Variants in GATAD1 observed in about 807,000 individuals in gnomAD.
GATAD1 encodes GATA zinc finger domain-containing protein 1.
Under a neutral mutation model 26.5 loss-of-function variants are expected in GATAD1, and 12 were observed. That is an observed-to-expected ratio of 0.45 (90% CI 0.29 to 0.73). The LOEUF is 0.73. Ranked by LOEUF, GATAD1 falls within the 30% of genes least tolerant of loss-of-function variation. The pLI, the probability that GATAD1 is intolerant of heterozygous loss-of-function variation, is 0.10. For missense variants in GATAD1, 266 were observed against 342.1 expected, an observed-to-expected ratio of 0.78 and a Z score of 1.75; for synonymous variants, 129 against 133.1, an observed-to-expected ratio of 0.97 and a Z score of 0.21.
rs1296178599 is a variant in GATAD1, at chr7:92,458,289, G to T, written c.*1727G>T. On this transcript the variant is annotated 3_prime_UTR_variant, in exon 5 of 5. Transcript: ENST00000287957. ...TAAGATTTTATACTGCAGATAGTCA[G>T]CTTCACCAAAGCCGCAGAGGAAACA... 1 of 152,200 alleles carries T rather than the reference G, an allele frequency of 6.6e-6. No individual in the cohort carries two copies. The highest frequency in any genetic ancestry group is 1.5e-5 in the Non-Finnish European group (1 of 68,038). 9.4% of individuals were successfully genotyped at this position (152,200 alleles called of 1,614,324 possible). A position where few individuals can be genotyped will look rare whatever the true frequency, so the allele number is the denominator to read the frequency against.
At chr7:92,467,705 T>G in the GATAD1 span, among the ~76,000 whole-genome samples, 9 of 152,346 alleles carry the variant, frequency 5.9e-5, no homozygotes, top group Non-Finnish European at 1.3e-4. Context: ...CTGTGGGGTT[T>G]TGGGGAAGCT....
chr7:92,450,842 CT>C, intron 3 of GATAD1, 82 bp downstream of exon 3: 1 of 800,486 alleles, frequency 1.2e-6, no homozygotes. Context: ...GTCTAAAGGT[CT>C]CTGCTACTCT....
chr7:92,491,503 C>T, the GATAD1 span: 9 of 1,568,858 alleles, frequency 5.7e-6, no homozygotes, highest in African/African-American at 1.4e-5. Context: ...AACTTCCATC[C>T]TAAAATACAC....
chr7:92,462,575 C>A (rs1789960600), downstream of GATAD1, among the ~76,000 whole-genome samples: 1 of 152,114 alleles, frequency 6.6e-6, no homozygotes, highest in South Asian at 2.1e-4. Context: ...TATTTAGGTC[C>A]AAAGATGGTA....
At chr7:92,486,172 G>T in the GATAD1 span, among the ~76,000 whole-genome samples, 1 of 152,184 alleles carries the variant, frequency 6.6e-6, no homozygotes, top group Admixed American at 6.5e-5. Flanking sequence ...CTTGTCAGCA[G>T]CAGTGACCAA....
intron 2 of GATAD1, 47 bp from the exon 3 acceptor site, chr7:92,450,654 G>A: frequency 7.8e-7 from 1 of 1,288,528 alleles, no homozygotes; most frequent in Non-Finnish European, 1.1e-6. Context: ...AATGCCTGTA[G>A]ACACATACAT....
At chr7:92,455,326 A>G (rs981054019) in intron 4 of GATAD1, among the ~76,000 whole-genome samples, 5 of 152,196 alleles carry the variant, frequency 3.3e-5, no homozygotes, top group African/African-American at 1.2e-4. Flanking sequence ...ACAAGAATGT[A>G]TTGCTCAGGA....
chr7:92,456,492 G>A lies in GATAD1; in HGVS notation c.740G>A (p.Gly247Asp). 1 of 1,612,814 alleles carries A rather than the reference G, an allele frequency of 6.2e-7. No individual in the cohort carries two copies. ...FPTVPTRPEK[G>D]YIWTHVGPTP... The stretch of plus-strand genomic sequence containing the variant: ...ACAGTTCCCACCAGACCAGAGAAGG[G>A]CTACATATGGACTCATGTTGGGCCT... Residue 247 changes from glycine (G) to aspartate (D), a missense_variant, in exon 5 of 5, where the codon GGC becomes GAC. Gly to Asp is a moderately conservative substitution (Grantham distance 94, BLOSUM62 -1). Transcript: ENST00000287957.
the GATAD1 span, chr7:92,487,676 C>A: frequency 1.5e-5 from 7 of 466,240 alleles, no homozygotes; most frequent in Admixed American, 3.9e-5. Context: ...AAATTCCAGT[C>A]ACAGAAATTA....
chr7:92,453,225 C>G (rs1388863374), intron 3 of GATAD1, among the ~76,000 whole-genome samples: 1 of 152,230 alleles, frequency 6.6e-6, no homozygotes, highest in African/African-American at 2.4e-5. Context: ...TACCTGCTGC[C>G]AAGTCCCTGT....
chr7:92,454,198 TAA>T, intron 3 of GATAD1: 2 of 284,974 alleles, frequency 7.0e-6, no homozygotes, highest in Non-Finnish European at 1.3e-5. Flanking sequence ...CTGTAAAAAA[TAA>T]AGTCTATTTT....
At chr7:92,491,679 AT>A in the GATAD1 span, 123,277 of 581,790 alleles carry the variant, frequency 0.21, 14,443 homozygotes, top group African/African-American at 0.39. Flanking sequence ...AACTATTAAA[AT>A]TATAAAGACA....
the GATAD1 span, chr7:92,470,044 C>T: frequency 5.1e-6 from 4 of 778,824 alleles, no homozygotes; most frequent in Non-Finnish European, 9.6e-6. Flanking sequence ...ATCAGACATA[C>T]CAGTTTGGGT....
At chr7:92,455,837 G>A (rs999976122) in intron 4 of GATAD1, among the ~76,000 whole-genome samples, 2 of 152,172 alleles carry the variant, frequency 1.3e-5, no homozygotes, top group African/African-American at 4.8e-5. Flanking sequence ...CAGAGGCAGT[G>A]ATGTATCAGA....
At chr7:92,487,562 T>C in the GATAD1 span, 1 of 1,177,872 alleles carries the variant, frequency 8.5e-7, no homozygotes, top group Non-Finnish European at 1.3e-6. Context: ...AAAGAGATAA[T>C]TTAATATGTA....
At chr7:92,470,654 C>CA in the GATAD1 span, 156 of 326,550 alleles carry the variant, frequency 4.8e-4, no homozygotes, top group East Asian at 7.7e-3. Context: ...AATACCATGT[C>CA]ACAAGGGTGG....
At chr7:92,488,753 A>G in the GATAD1 span, among the ~76,000 whole-genome samples, 2 of 145,246 alleles carry the variant, frequency 1.4e-5, no homozygotes, top group Admixed American at 1.4e-4. Flanking sequence ...TTTTTGAGAC[A>G]CAGTCTCGCT....
chr7:92,473,774 A>G, the GATAD1 span, among the ~76,000 whole-genome samples: 1 of 151,986 alleles, frequency 6.6e-6, no homozygotes. Context: ...AGTAAGACTA[A>G]GAAGACCGCA....
the GATAD1 span, chr7:92,489,432 A>T: frequency 6.2e-7 from 1 of 1,611,528 alleles, no homozygotes; most frequent in Admixed American, 1.7e-5. Context: ...TCCTTAAGTA[A>T]AAAAAGAAAT....
Sources: allele counts gnomAD v4.1 joint callset (sites outside exome capture counted in the v4.1 genomes callset), GRCh38; gene constraint gnomAD v4.1.1; transcripts MANE v1.5; gene names NCBI Gene and HGNC (gene_info 2026-07-23, HGNC 2026-07-21).